Variants in FSTL4 observed in about 807,000 individuals in gnomAD.
The protein encoded by FSTL4 is follistatin-related protein 4.
In FSTL4, 28 loss-of-function variants were observed where a neutral mutation model predicts 78.2. The ratio of observed to expected loss-of-function variants is 0.36; its 90% CI spans 0.27 to 0.49. The LOEUF is 0.49. FSTL4 is among the 20% of genes least tolerant of loss of function. The pLI, the probability that FSTL4 is intolerant of heterozygous loss-of-function variation, is 0.98. For missense variants in FSTL4, 922 were observed against 1,084.9 expected (o/e 0.85, Z 2.11); for synonymous variants, 422 against 440.5 (o/e 0.96, Z 0.53).
intron 4 of FSTL4, among the ~76,000 whole-genome samples, chr5:133,331,621 C>T (rs1412292668): frequency 2.0e-5 from 3 of 152,152 alleles, no homozygotes; most frequent in African/African-American, 7.2e-5. Flanking sequence ...CAGGAAATGG[C>T]ATTTCAGAGA....
the FSTL4 span, among the ~76,000 whole-genome samples, chr5:133,719,823 T>C: frequency 6.6e-6 from 1 of 152,180 alleles, no homozygotes; most frequent in African/African-American, 2.4e-5. Context: ...AGCTCCCATG[T>C]CCTATATTAC....
chr5:133,261,871 A>T (rs1185534927), intron 6 of FSTL4, among the ~76,000 whole-genome samples: 1 of 152,090 alleles, frequency 6.6e-6, no homozygotes, highest in East Asian at 1.9e-4. Context: ...GTGTGCCTGT[A>T]GTCCCAGCTA....
chr5:133,742,574 G>A, the FSTL4 span, among the ~76,000 whole-genome samples: 5,184 of 152,130 alleles, frequency 0.034, 298 homozygotes, highest in African/African-American at 0.12. Context: ...GTATACTGAC[G>A]TATGTGGGTA....
At chr5:133,757,283 G>A in the FSTL4 span, among the ~76,000 whole-genome samples, 1 of 152,258 alleles carries the variant, frequency 6.6e-6, no homozygotes, top group Admixed American at 6.5e-5. Flanking sequence ...TGTCATTTCA[G>A]TGTATAATCA....
At chr5:133,261,636 C>T (rs532199278) in intron 6 of FSTL4, among the ~76,000 whole-genome samples, 2 of 152,150 alleles carry the variant, frequency 1.3e-5, no homozygotes, top group African/African-American at 4.8e-5. Context: ...GTGGGTGGAT[C>T]ATTGAGGTCA....
chr5:133,604,404 G>A (rs1760932087), intron 1 of FSTL4, among the ~76,000 whole-genome samples: 1 of 152,052 alleles, frequency 6.6e-6, no homozygotes, highest in African/African-American at 2.4e-5. Context: ...CACACAATTA[G>A]TGCTCGAGAA....
chr5:133,442,249 T>C (rs1430835428), intron 3 of FSTL4, among the ~76,000 whole-genome samples: 1 of 152,224 alleles, frequency 6.6e-6, no homozygotes, highest in East Asian at 1.9e-4. Flanking sequence ...ATCCTAGCTA[T>C]CAGTCTCCTT....
intron 3 of FSTL4, 39 bp downstream of exon 3, chr5:133,567,147 A>T (rs1760042772): frequency 1.0e-5 from 15 of 1,449,088 alleles, no homozygotes; most frequent in Non-Finnish European, 1.5e-5. Context: ...AAAAATGTCA[A>T]CACTGAAAAT....
Position 133,224,208 on chromosome 5 carries a change from T to G in FSTL4, c.1321A>C (p.Ile441Leu), listed in dbSNP as rs1175050658. 18 of 1,612,648 alleles carry G rather than the reference T, an allele frequency of 1.1e-5. No individual in the cohort carries two copies. Among genetic ancestry groups the G allele is most frequent in the Non-Finnish European group, 1.5e-5 (18 of 1,178,746 alleles). Residue 441 changes from isoleucine (I) to leucine (L), a missense_variant, in exon 11 of 16, where the codon ATC becomes CTC. By Grantham distance (5) the Ile-to-Leu change is conservative (BLOSUM62 2). Coordinates refer to ENST00000265342, the MANE Select transcript of FSTL4 (RefSeq NM_015082.2). Reference protein sequence around the residue: ...EDSARKTLANILWREEGLSVG... With the variant: ...EDSARKTLANLLWREEGLSVG... ...TTGGTACCTTCCTCTCGCCACAGGA[T>G]GTTTGCAACTGCAGCAGCAGAGAAT...
rs1750195039 is a variant in FSTL4, at chr5:133,198,026, A to G, written c.*1069T>C. ...ATGCGGGGATGGGGTACCAGAGAGG[A>G]GTGGATGGGCCACAGGTAGGAAAAC... On this transcript the variant is annotated 3_prime_UTR_variant, in exon 16 of 16. Coordinates refer to ENST00000265342, the MANE Select transcript of FSTL4 (RefSeq NM_015082.2). 1 of 152,666 alleles carries G rather than the reference A, an allele frequency of 6.6e-6. No individual in the cohort carries two copies. The highest frequency in any genetic ancestry group is 2.1e-4 in the South Asian group (1 of 4,828). 9.5% of individuals were successfully genotyped at this position (152,666 alleles called of 1,614,324 possible).
At position 133,480,015 on chromosome 5, in the gene FSTL4, C is replaced by T. The variant is rs983786310; in HGVS notation, c.161-79029G>A. ...TCCAAAAAATTAGAAAAGACGGGGA[C>T]ACTCTACCCTCCCTATAAGGATCCA... is the stretch of plus-strand genomic sequence containing the variant. On this transcript the variant is annotated intron_variant, in intron 3 of 15. Coordinates refer to ENST00000265342, the MANE Select transcript of FSTL4 (RefSeq NM_015082.2). Among the ~76,000 whole-genome samples the T allele has an allele frequency of 3.9e-4, 59 of 152,270 alleles. 1 individual carries two copies. The highest frequency in any genetic ancestry group is 3.2e-3 in the Admixed American group (49 of 15,304).
chr5:133,667,116 TCC>T, the FSTL4 span, among the ~76,000 whole-genome samples: 10 of 152,142 alleles, frequency 6.6e-5, no homozygotes. Flanking sequence ...CCTAACTTTC[TCC>T]GTCTCGACAA....
At chr5:133,452,732 T>C (rs1046394592) in intron 3 of FSTL4, among the ~76,000 whole-genome samples, 1 of 152,260 alleles carries the variant, frequency 6.6e-6, no homozygotes, top group African/African-American at 2.4e-5. Context: ...AAGCAGGAGC[T>C]GTGCTTGGGC....
chr5:133,386,345 C>T (rs1176909442), intron 4 of FSTL4, among the ~76,000 whole-genome samples: 1 of 152,214 alleles, frequency 6.6e-6, no homozygotes, highest in Non-Finnish European at 1.5e-5. Context: ...GCTATAGCCA[C>T]AGGAATCCTG....
chr5:133,580,854 A>G (rs1022576031), intron 2 of FSTL4, among the ~76,000 whole-genome samples: 1 of 152,182 alleles, frequency 6.6e-6, no homozygotes, highest in African/African-American at 2.4e-5. Flanking sequence ...GCTTCCATTT[A>G]CTAAGCAATT....
At chr5:133,721,568 TC>T in the FSTL4 span, among the ~76,000 whole-genome samples, 2 of 152,192 alleles carry the variant, frequency 1.3e-5, no homozygotes, top group Admixed American at 6.5e-5. Context: ...TGACTGACAG[TC>T]TTTTTTTTCC....
intron 3 of FSTL4, among the ~76,000 whole-genome samples, chr5:133,447,020 AG>A (rs1469583303): frequency 6.6e-6 from 1 of 152,218 alleles, no homozygotes; most frequent in East Asian, 1.9e-4. Context: ...TCAGCTCTTC[AG>A]GACCCAGGAG....
intron 3 of FSTL4, among the ~76,000 whole-genome samples, chr5:133,488,089 C>G (rs1245692586): frequency 6.6e-6 from 1 of 152,232 alleles, no homozygotes; most frequent in East Asian, 1.9e-4. Flanking sequence ...TCTTCCTGAA[C>G]AGCTGATGCT....
chr5:133,240,568 C>T (rs563466544), intron 7 of FSTL4, among the ~76,000 whole-genome samples: 7 of 152,262 alleles, frequency 4.6e-5, no homozygotes, highest in East Asian at 3.9e-4. Flanking sequence ...TTCCAAGGCT[C>T]GGGGCATGTG....
Sources: allele counts gnomAD v4.1 joint callset (sites outside exome capture counted in the v4.1 genomes callset), GRCh38; gene constraint gnomAD v4.1.1; transcripts MANE v1.5; gene names NCBI Gene and HGNC (gene_info 2026-07-23, HGNC 2026-07-21).